Variants in CMYA5 observed in about 807,000 individuals in gnomAD.
CMYA5 encodes the protein cardiomyopathy associated 5, also known as cardiomyopathy-associated protein 5.
A neutral mutation model predicts 318.9 loss-of-function variants in CMYA5; 246 were observed. The ratio of observed to expected loss-of-function variants is 0.77; its 90% confidence interval spans 0.70 to 0.86. The LOEUF (loss-of-function observed/expected upper bound fraction) is 0.86. Ranked by LOEUF, CMYA5 falls within the 40% of genes least tolerant of loss-of-function variation. CMYA5 has a pLI of 0.00. For synonymous variants in CMYA5, 1,641 were observed against 1,729.5 expected (o/e 0.95, Z 1.27); for missense variants, 4,589 against 4,678.2 (o/e 0.98, Z 0.56).
chr5:79,755,846 C>T (rs1379781955), intron 6 of CMYA5, among the ~76,000 whole-genome samples: 1 of 152,140 alleles, frequency 6.6e-6, no homozygotes, highest in South Asian at 2.1e-4. Flanking sequence ...AACCTACATA[C>T]TTTGCTTCTT....
At chr5:79,790,047 C>T (rs1829147865) in intron 10 of CMYA5, among the ~76,000 whole-genome samples, 1 of 152,146 alleles carries the variant, frequency 6.6e-6, no homozygotes, top group Admixed American at 6.5e-5. Context: ...TTATCTTATC[C>T]TAGACACAGA....
intron 8 of CMYA5, 162 bp downstream of exon 8, chr5:79,762,119 A>G: frequency 8.6e-6 from 6 of 697,788 alleles, no homozygotes; most frequent in Non-Finnish European, 1.3e-5. Context: ...CCTGTTCTCA[A>G]GAAGCTCATG....
intron 1 of CMYA5, among the ~76,000 whole-genome samples, chr5:79,711,702 G>A (rs900881034): frequency 6.6e-6 from 1 of 152,126 alleles, no homozygotes; most frequent in African/African-American, 2.4e-5. Context: ...TTCTAATACT[G>A]TACTTGAAGA....
chr5:79,723,776 G>GAAA (rs112255186), intron 1 of CMYA5, among the ~76,000 whole-genome samples: 11 of 118,366 alleles, frequency 9.3e-5, no homozygotes, highest in African/African-American at 1.7e-4. Context: ...ACAAAACAAT[G>GAAA]AAAAAAAAAA....
chr5:79,793,258 G>A (rs1436407702), intron 11 of CMYA5, among the ~76,000 whole-genome samples, 179 bp from the exon 12 acceptor site: 4 of 152,202 alleles, frequency 2.6e-5, no homozygotes. Context: ...AGTTTGGAGA[G>A]TTCTGTGGTG....
At chr5:79,752,607 C>A in intron 5 of CMYA5, 69 bp from the exon 6 acceptor site, 1 of 1,161,194 alleles carries the variant, frequency 8.6e-7, no homozygotes, top group Admixed American at 2.0e-5. Flanking sequence ...TCATTTTGAA[C>A]AATTTTTTTC....
chr5:79,773,002 A>G (rs930675418), intron 9 of CMYA5, among the ~76,000 whole-genome samples: 1 of 152,206 alleles, frequency 6.6e-6, no homozygotes, highest in Non-Finnish European at 1.5e-5. Context: ...AAATACAAAC[A>G]ATTCCTCCTT....
In CMYA5 at chr5:79,799,869, T is replaced by G; in HGVS notation, c.*253T>G. ...ATATAAGTTTGAGTTCTTTCCTAAA[T>G]TAAAAGATCTACACTTGAGTTGGGA... On this transcript the variant is annotated 3_prime_UTR_variant, in exon 13 of 13. Coordinates refer to ENST00000446378, the MANE Select transcript of CMYA5 (RefSeq NM_153610.5). 6.5e-6 allele frequency: 1 copy of G among 153,006 alleles called. No homozygotes were observed. The allele number at this position is 153,006 out of a possible 1,614,324, so 9.5% of individuals were successfully genotyped here. A position where few individuals can be genotyped will look rare whatever the true frequency, so the allele number is the denominator to read the frequency against.
chr5:79,746,547 T>TAAAAAAAAAAAAAAAAAA (rs11423461), intron 4 of CMYA5, among the ~76,000 whole-genome samples: 2 of 68,890 alleles, frequency 2.9e-5, no homozygotes, highest in Non-Finnish European at 5.6e-5. Context: ...GAGCAAACTG[T>TAAAAAAAAAAAAAAAAAA]AAAAAAAAAA....
intron 1 of CMYA5, among the ~76,000 whole-genome samples, chr5:79,724,403 T>G (rs1221347573): frequency 6.6e-6 from 1 of 152,204 alleles, no homozygotes; most frequent in Non-Finnish European, 1.5e-5. Context: ...AGAAGGAAAC[T>G]TCCTTCATCA....
intron 7 of CMYA5, among the ~76,000 whole-genome samples, chr5:79,760,650 A>T (rs1828633738): frequency 6.6e-6 from 1 of 152,168 alleles, no homozygotes; most frequent in South Asian, 2.1e-4. Context: ...TGAGAACAGC[A>T]AGGGAGAAGT....
chr5:79,763,282 A>T, intron 9 of CMYA5, 73 bp downstream of exon 9: 1 of 1,308,664 alleles, frequency 7.6e-7, no homozygotes, highest in East Asian at 2.5e-5. Context: ...ACTACCCTCT[A>T]ACTTCTGCTC....
chr5:79,747,187 A>T (rs367563985), intron 5 of CMYA5, 74 bp downstream of exon 5: 9 of 1,412,374 alleles, frequency 6.4e-6, no homozygotes, highest in African/African-American at 1.5e-5. Flanking sequence ...TTGGTGCTTT[A>T]TGGAAAATGA....
At chr5:79,753,666 A>T (rs1643992) in intron 6 of CMYA5, among the ~76,000 whole-genome samples, 95,082 of 151,906 alleles carry the variant, frequency 0.63, 32,523 homozygotes, top group African/African-American at 0.91. Context: ...GATGATTAAC[A>T]TTCATTCCTG....
At chr5:79,753,774 C>T (rs2151092723) in intron 6 of CMYA5, among the ~76,000 whole-genome samples, 1 of 125,062 alleles carries the variant, frequency 8.0e-6, no homozygotes, top group East Asian at 2.0e-4. Flanking sequence ...AACCCAAAAC[C>T]CCACCAGCCC....
At chr5:79,713,450 C>A (rs1827443892) in intron 1 of CMYA5, among the ~76,000 whole-genome samples, 1 of 151,990 alleles carries the variant, frequency 6.6e-6, no homozygotes, top group Non-Finnish European at 1.5e-5. Flanking sequence ...ACAATGCTGT[C>A]ACACCATAGC....
chr5:79,778,457 T>G (rs1346267206), intron 9 of CMYA5, among the ~76,000 whole-genome samples: 1 of 152,214 alleles, frequency 6.6e-6, no homozygotes, highest in East Asian at 1.9e-4. Flanking sequence ...TTTGACAATT[T>G]GTAGAAAATG....
rs200789494 is a variant in CMYA5 at position 79,771,068 on chromosome 5, GAA to G, written c.11555+7876_11555+7877del. Among the ~76,000 whole-genome samples, 331 of 99,402 alleles carry G rather than the reference GAA, an allele frequency of 3.3e-3. 5 individuals carry two copies. The highest frequency in any genetic ancestry group is 0.013 in the Middle Eastern group (2 of 152). 65.2% of individuals were successfully genotyped at this position (99,402 alleles called of 152,430 possible). ...CTCTGGCCAAAACAGAGGGAGAGAG[GAA>G]AAAAAAAAAAAAAAAACCAGACTTT... On this transcript the variant is annotated intron_variant, in intron 9 of 12. Coordinates refer to ENST00000446378, the MANE Select transcript of CMYA5 (RefSeq NM_153610.5).
Position 79,761,959 on chromosome 5 carries a change from TA to T in CMYA5, c.11407+4del. On this transcript the variant is annotated splice_donor_region_variant and intron_variant, in intron 8 of 12. Transcript: ENST00000446378. ...GTGAAAGGGCCATCTTTAGGACAGG[TA>T]AGGAGATGGATGCTAAGGGTGCATT... The T allele has an allele frequency of 6.2e-7, 1 of 1,611,472 alleles. No homozygotes were observed. The highest frequency in any genetic ancestry group is 8.5e-7 in the Non-Finnish European group (1 of 1,178,960).
Sources: gnomAD v4.1 joint callset for allele counts (sites outside exome capture counted in the v4.1 genomes callset) on GRCh38, gnomAD v4.1.1 for gene constraint, MANE v1.5 for transcripts, NCBI Gene and HGNC (gene_info 2026-07-23, HGNC 2026-07-21) for gene names.